The following RIMS4 variants were observed in gnomAD, a reference collection of about 807,000 sequenced individuals.
The protein encoded by RIMS4 is regulating synaptic membrane exocytosis 4.
A neutral mutation model predicts 29.0 loss-of-function variants in RIMS4; 9 were observed. The ratio of observed to expected loss-of-function variants is 0.31; its 90% CI spans 0.19 to 0.54. RIMS4 has a LOEUF of 0.54. Among genes scored for constraint, RIMS4 ranks in the 20% least tolerant of loss-of-function variants. The pLI, the probability that RIMS4 is intolerant of heterozygous loss-of-function variation, is 0.94. For synonymous variants in RIMS4, 130 were observed against 152.9 expected (o/e 0.85, Z 1.10); for missense variants, 193 against 365.7 (o/e 0.53, Z 3.85).
At position 44,753,774 on chromosome 20, in the gene RIMS4, G is replaced by A. The variant is rs564847021; in HGVS notation, c.*2360C>T. The A allele has an allele frequency of 8.5e-5, 13 of 152,774 alleles. No homozygotes were observed. The East Asian group carries it at 2.5e-3, about 29-fold the overall frequency. 9.5% of individuals were successfully genotyped at this position (152,774 alleles called of 1,614,324 possible). A position where few individuals can be genotyped will look rare whatever the true frequency, so the allele number is the denominator to read the frequency against. The stretch of plus-strand genomic sequence containing the variant: ...GCTCACGATGACACAAAGAAACAGG[G>A]CTCCAGCCCCCAGCTGCTCCACCCC... On this transcript the variant is annotated 3_prime_UTR_variant, in exon 6 of 6. Transcript: ENST00000372851.
At chr20:44,795,505 G>A (rs1158662054) in intron 1 of RIMS4, among the ~76,000 whole-genome samples, 2 of 152,132 alleles carry the variant, frequency 1.3e-5, no homozygotes, top group Admixed American at 6.5e-5. Context: ...GATGGCGGGC[G>A]CCTGCAGTCC....
chr20:44,757,624 TCC>T lies in RIMS4; in HGVS notation c.451+44_451+45del, dbSNP rs758630069. ...GCCCTCAGTACCCATCAGGATATCCTCCCTGACCTCCACCCCCACCTTGCAGG... is the reference window on the plus strand; with the variant it reads ...GCCCTCAGTACCCATCAGGATATCCTCTGACCTCCACCCCCACCTTGCAGG... On this transcript the variant is annotated intron_variant, in intron 4 of 5. Coordinates refer to ENST00000372851, the MANE Select transcript of RIMS4 (RefSeq NM_182970.4). 36 of 1,492,402 alleles carry T rather than the reference TCC, an allele frequency of 2.4e-5. No individual in the cohort carries two copies. In the African/African-American group the frequency reaches 3.2e-4, roughly 13 times the overall value. The allele number at this position is 1,492,402 out of a possible 1,614,324, so 92.4% of individuals were successfully genotyped here. A position where few individuals can be genotyped will look rare whatever the true frequency, so the allele number is the denominator to read the frequency against.
intron 2 of RIMS4, among the ~76,000 whole-genome samples, chr20:44,763,244 C>A (rs1308076847): frequency 6.6e-6 from 1 of 152,214 alleles, no homozygotes; most frequent in African/African-American, 2.4e-5. Flanking sequence ...TGGCAAGTGT[C>A]TTAACCTCTC....
intron 1 of RIMS4, among the ~76,000 whole-genome samples, chr20:44,781,019 A>G (rs1037773876): frequency 6.6e-6 from 1 of 152,194 alleles, no homozygotes; most frequent in Non-Finnish European, 1.5e-5. Flanking sequence ...ATCCAACAAA[A>G]TATACATTTA....
In RIMS4 at chr20:44,809,441, G is replaced by A. The variant is rs182103418; in HGVS notation, c.97+734C>T. Among the ~76,000 whole-genome samples the A allele has an allele frequency of 2.6e-3, 403 of 152,190 alleles. 3 individuals are homozygous for A. Among genetic ancestry groups the A allele is most frequent in the African/African-American group, 9.3e-3 (385 of 41,512 alleles). ...AGGAGGAGGTTCAAGCCGCTGGCTG[G>A]TGGCCGGCTTCAGCCCACCAAGAAA... On this transcript the variant is annotated intron_variant, in intron 1 of 5. Transcript: ENST00000372851.
chr20:44,804,943 A>G (rs1601048646), intron 1 of RIMS4, among the ~76,000 whole-genome samples: 1 of 152,284 alleles, frequency 6.6e-6, no homozygotes, highest in Non-Finnish European at 1.5e-5. Flanking sequence ...ACAATGGGGT[A>G]AGGCGTGAAT....
chr20:44,771,198 G>A, intron 2 of RIMS4, 77 bp downstream of exon 2: 4 of 1,520,016 alleles, frequency 2.6e-6, no homozygotes, highest in Non-Finnish European at 3.6e-6. Flanking sequence ...AGGGCTCCCA[G>A]AGGGGTTGCT....
chr20:44,801,702 T>C (rs952068731), intron 1 of RIMS4, among the ~76,000 whole-genome samples: 6 of 152,154 alleles, frequency 3.9e-5, no homozygotes, highest in African/African-American at 1.4e-4. Context: ...TTATCCTTTG[T>C]ACAAATGACT....
chr20:44,810,097 C>T (rs1422291295), intron 1 of RIMS4, 78 bp downstream of exon 1: 1 of 704,912 alleles, frequency 1.4e-6, no homozygotes, highest in East Asian at 5.0e-5. Context: ...GGGAGGAGGG[C>T]GCACGGGTCG....
At chr20:44,763,660 C>A (rs986193691) in intron 2 of RIMS4, among the ~76,000 whole-genome samples, 4 of 152,222 alleles carry the variant, frequency 2.6e-5, no homozygotes, top group East Asian at 1.9e-4. Context: ...AGATTCCCTG[C>A]ATTTCAAATC....
intron 1 of RIMS4, among the ~76,000 whole-genome samples, chr20:44,801,576 G>T (rs573808830): frequency 7.9e-5 from 12 of 152,246 alleles, no homozygotes; most frequent in African/African-American, 2.9e-4. Flanking sequence ...ACCATGTCCT[G>T]TTCTCTCTGG....
chr20:44,752,608 C>A lies in RIMS4; in HGVS notation c.*3526G>T, dbSNP rs1482050199. On this transcript the variant is annotated 3_prime_UTR_variant, in exon 6 of 6. Coordinates refer to ENST00000372851, the MANE Select transcript of RIMS4 (RefSeq NM_182970.4). ...GACGGCACAGGCCACCACCTACTCC[C>A]CAGGGGCTCTTGTGAGGGCCGAAGG... 1 of 152,410 alleles carries A rather than the reference C, an allele frequency of 6.6e-6. No individual in the cohort carries two copies. The highest frequency in any genetic ancestry group is 1.9e-4 in the East Asian group (1 of 5,196). The allele number at this position is 152,410 out of a possible 1,614,324, so 9.4% of individuals were successfully genotyped here.
rs1435009081 is a variant in RIMS4 at position 44,757,045 on chromosome 20, T to C, written c.452-8A>G. Reference sequence around the variant, plus strand: ...AGGCCTTGATGTAGGCCGCTGGGGATAGAGGCCAGCAGGGGTGAGTTCTAG... The same window carrying C: ...AGGCCTTGATGTAGGCCGCTGGGGACAGAGGCCAGCAGGGGTGAGTTCTAG... On this transcript the variant is annotated splice_region_variant and splice_polypyrimidine_tract_variant and intron_variant, in intron 4 of 5. Transcript: ENST00000372851. The C allele has an allele frequency of 6.2e-7, 1 of 1,612,884 alleles. No individual in the cohort carries two copies. The highest frequency in any genetic ancestry group is 8.5e-7 in the Non-Finnish European group (1 of 1,179,280).
chr20:44,780,179 C>A (rs1378465530), intron 1 of RIMS4, among the ~76,000 whole-genome samples: 2 of 152,184 alleles, frequency 1.3e-5, no homozygotes, highest in African/African-American at 2.4e-5. Flanking sequence ...CTAAGACAAG[C>A]ATTTTTTCAA....
intron 1 of RIMS4, among the ~76,000 whole-genome samples, chr20:44,788,274 G>T (rs1306354549): frequency 6.6e-6 from 1 of 152,144 alleles, no homozygotes; most frequent in Non-Finnish European, 1.5e-5. Context: ...TCAGTTGCAG[G>T]GATCACATTT....
At chr20:44,762,356 G>T (rs1601019768) in intron 2 of RIMS4, among the ~76,000 whole-genome samples, 1 of 152,204 alleles carries the variant, frequency 6.6e-6, no homozygotes, top group Admixed American at 6.5e-5. Flanking sequence ...CATGCCCCTG[G>T]GTCTCTTTTC....
At chr20:44,777,666 G>C (rs1417421506) in intron 1 of RIMS4, among the ~76,000 whole-genome samples, 1 of 152,160 alleles carries the variant, frequency 6.6e-6, no homozygotes, top group Non-Finnish European at 1.5e-5. Flanking sequence ...TGGGGGGAGG[G>C]AGAAGGAGAG....
At chr20:44,759,561 A>G (rs1753292688) in intron 2 of RIMS4, among the ~76,000 whole-genome samples, 1 of 152,200 alleles carries the variant, frequency 6.6e-6, no homozygotes, top group Non-Finnish European at 1.5e-5. Flanking sequence ...GCCTAGCCCA[A>G]GAGGTTGGCT....
intron 1 of RIMS4, among the ~76,000 whole-genome samples, chr20:44,795,089 A>G (rs1601042013): frequency 1.3e-5 from 2 of 152,040 alleles, no homozygotes; most frequent in Middle Eastern, 3.4e-3. Flanking sequence ...ACCATGGCCC[A>G]CTCCTGCCTC....
Sources: allele counts gnomAD v4.1 joint callset (sites outside exome capture counted in the v4.1 genomes callset), GRCh38; gene constraint gnomAD v4.1.1; transcripts MANE v1.5; gene names NCBI Gene and HGNC (gene_info 2026-07-23, HGNC 2026-07-21).